Variants in KCNQ3 observed in about 807,000 individuals in gnomAD.
KCNQ3 encodes the protein potassium voltage-gated channel subfamily Q member 3.
Under a neutral mutation model 92.5 loss-of-function variants are expected in KCNQ3, and 30 were observed. The ratio of observed to expected loss-of-function variants is 0.32; its 90% CI spans 0.24 to 0.44. The LOEUF (loss-of-function observed/expected upper bound fraction) is 0.44. Ranked by LOEUF, KCNQ3 falls within the 20% of genes least tolerant of loss-of-function variation. The probability of loss-of-function intolerance (pLI) is 1.00; values close to 1 mark genes in which losing one functional copy is unlikely to be tolerated. For missense variants in KCNQ3, 913 were observed against 1,140.3 expected, an observed-to-expected ratio of 0.80 and a Z score of 2.87; for synonymous variants, 450 against 468.8, an observed-to-expected ratio of 0.96 and a Z score of 0.52.
Position 132,121,778 on chromosome 8 carries a change from G to C in KCNQ3, c.*7484C>G, listed in dbSNP as rs1184168936. 1 of 152,194 alleles carries C rather than the reference G, an allele frequency of 6.6e-6. No individual in the cohort carries two copies. The highest frequency in any genetic ancestry group is 1.5e-5 in the Non-Finnish European group (1 of 68,038). 9.4% of individuals were successfully genotyped at this position (152,194 alleles called of 1,614,324 possible). On this transcript the variant is annotated 3_prime_UTR_variant, in exon 15 of 15. Transcript: ENST00000388996. Reference sequence around the variant, plus strand: ...GACGTGGAGATATTTGAACTTGTTTGGTTAAAAACAATGACAGGAGCTCCT... The same window carrying C: ...GACGTGGAGATATTTGAACTTGTTTCGTTAAAAACAATGACAGGAGCTCCT...
At chr8:132,156,321 A>G (rs978761589) in intron 9 of KCNQ3, among the ~76,000 whole-genome samples, 46 of 152,020 alleles carry the variant, frequency 3.0e-4, no homozygotes, top group African/African-American at 1.1e-3. Flanking sequence ...GGAGACACAG[A>G]AAGTTTGCAT....
chr8:132,319,352 T>C (rs1036959186), intron 1 of KCNQ3, among the ~76,000 whole-genome samples: 1 of 152,180 alleles, frequency 6.6e-6, no homozygotes, highest in Non-Finnish European at 1.5e-5. Flanking sequence ...GTGATGCCTG[T>C]TTGTCAACAG....
At chr8:132,325,998 C>T (rs952124182) in intron 1 of KCNQ3, among the ~76,000 whole-genome samples, 1 of 152,164 alleles carries the variant, frequency 6.6e-6, no homozygotes, top group Non-Finnish European at 1.5e-5. Context: ...ATTTGTTGGG[C>T]TTTGTGGGAG....
chr8:132,372,962 GAAAGAAAGAACC>G (rs1819515352), intron 1 of KCNQ3, among the ~76,000 whole-genome samples: 2 of 152,012 alleles, frequency 1.3e-5, no homozygotes, highest in African/African-American at 2.4e-5. Flanking sequence ...GCAGGTAGAG[GAAAGAAAGAACC>G]AAAGAAAGAA....
intron 1 of KCNQ3, among the ~76,000 whole-genome samples, chr8:132,244,100 C>T (rs1815081614): frequency 6.6e-6 from 1 of 152,176 alleles, no homozygotes; most frequent in African/African-American, 2.4e-5. Flanking sequence ...CCCCTGGAAT[C>T]TCAGAACTGG....
chr8:132,269,361 T>G (rs182513619), intron 1 of KCNQ3, among the ~76,000 whole-genome samples: 47 of 152,364 alleles, frequency 3.1e-4, no homozygotes, highest in African/African-American at 1.1e-3. Context: ...TGATCCATTT[T>G]TAGTTAACTT....
intron 1 of KCNQ3, among the ~76,000 whole-genome samples, chr8:132,284,314 C>T (rs1816618195): frequency 6.6e-6 from 1 of 152,142 alleles, no homozygotes; most frequent in Non-Finnish European, 1.5e-5. Context: ...ATACCTTGTA[C>T]TATTAAGTTA....
intron 1 of KCNQ3, among the ~76,000 whole-genome samples, chr8:132,314,723 T>C (rs929231358): frequency 1.5e-4 from 23 of 152,198 alleles, no homozygotes; most frequent in African/African-American, 4.8e-4. Flanking sequence ...AATGATCCAA[T>C]AAATGTTTTC....
At chr8:132,252,315 T>G (rs1039081218) in intron 1 of KCNQ3, among the ~76,000 whole-genome samples, 1 of 116,162 alleles carries the variant, frequency 8.6e-6, no homozygotes, top group Non-Finnish European at 2.1e-5. Context: ...TTCCTTCCAG[T>G]GGGTCATGGT....
Position 132,480,251 on chromosome 8 carries a change from G to A in KCNQ3, c.282C>T (p.Ser94=), listed in dbSNP as rs200519334. 1.2e-6 allele frequency: 2 copies of A among 1,612,716 alleles called. No homozygotes were observed. Among genetic ancestry groups the A allele is most frequent in the Admixed American group, 1.7e-5 (1 of 59,942 alleles). ...TGGCGTTGTTTCTCTTGACTGGGCG[G>A]CTCAGCGGGGTCTTGGCCAGGAGCC... ...GIGLLAKTPL[S]RPVKRNNAKY... Residue 94 remains serine (S), a synonymous_variant, in exon 1 of 15, where the codon AGC becomes AGT. Coordinates refer to ENST00000388996, the MANE Select transcript of KCNQ3 (RefSeq NM_004519.4).
At chr8:132,267,029 G>A (rs911858402) in intron 1 of KCNQ3, among the ~76,000 whole-genome samples, 2 of 152,038 alleles carry the variant, frequency 1.3e-5, no homozygotes, top group African/African-American at 4.8e-5. Flanking sequence ...TGTGAAAATG[G>A]GTGGCTTTAT....
At chr8:132,352,886 C>T (rs1293965896) in intron 1 of KCNQ3, among the ~76,000 whole-genome samples, 1 of 152,076 alleles carries the variant, frequency 6.6e-6, no homozygotes, top group East Asian at 1.9e-4. Context: ...GACCCCAGTT[C>T]CACACTGGGC....
chr8:132,458,000 G>T (rs1020524815), intron 1 of KCNQ3, among the ~76,000 whole-genome samples: 1 of 152,076 alleles, frequency 6.6e-6, no homozygotes, highest in Non-Finnish European at 1.5e-5. Context: ...CTGTCCAGAC[G>T]ATGAGGTCTT....
At chr8:132,188,208 C>A (rs1442212353) in intron 1 of KCNQ3, among the ~76,000 whole-genome samples, 2 of 152,086 alleles carry the variant, frequency 1.3e-5, no homozygotes, top group African/African-American at 2.4e-5. Flanking sequence ...AATGAATCTG[C>A]CTAGAGCTCA....
chr8:132,358,681 C>T (rs1819081367), intron 1 of KCNQ3, among the ~76,000 whole-genome samples: 2 of 125,218 alleles, frequency 1.6e-5, no homozygotes, highest in Non-Finnish European at 1.7e-5. Context: ...CCCAGCACTT[C>T]ACGTGGAATT....
At chr8:132,394,298 G>A (rs979863927) in intron 1 of KCNQ3, among the ~76,000 whole-genome samples, 4 of 152,166 alleles carry the variant, frequency 2.6e-5, no homozygotes, top group African/African-American at 9.7e-5. Flanking sequence ...CAGGAAAGCT[G>A]AGTTAAAGGG....
chr8:132,378,471 C>T (rs1819667104), intron 1 of KCNQ3, among the ~76,000 whole-genome samples: 1 of 152,176 alleles, frequency 6.6e-6, no homozygotes, highest in African/African-American at 2.4e-5. Context: ...TGGCAACAAT[C>T]ATATTGCTAT....
intron 1 of KCNQ3, among the ~76,000 whole-genome samples, chr8:132,300,239 T>G (rs1817172740): frequency 1.3e-5 from 2 of 152,212 alleles, no homozygotes; most frequent in South Asian, 4.1e-4. Flanking sequence ...TGACACCATT[T>G]TTTTTTGCAT....
At chr8:132,356,738 C>T (rs1023006427) in intron 1 of KCNQ3, among the ~76,000 whole-genome samples, 2 of 152,168 alleles carry the variant, frequency 1.3e-5, no homozygotes, top group Non-Finnish European at 2.9e-5. Context: ...ACTCCAGCAC[C>T]TGGCACTTAG....
Sources: allele counts gnomAD v4.1 joint callset (sites outside exome capture counted in the v4.1 genomes callset), GRCh38; gene constraint gnomAD v4.1.1; transcripts MANE v1.5; gene names NCBI Gene and HGNC (gene_info 2026-07-23, HGNC 2026-07-21).